Variants in CAMTA1 observed in about 807,000 individuals in gnomAD.
CAMTA1 encodes calmodulin-binding transcription activator 1.
Under a neutral mutation model 170.9 loss-of-function variants are expected in CAMTA1, and 27 were observed. The observed-to-expected ratio is 0.16, with a 90% confidence interval of 0.12 to 0.22. The LOEUF is 0.22. CAMTA1 is among the 10% of genes least tolerant of loss of function. CAMTA1 has a pLI of 1.00. For synonymous variants in CAMTA1, 833 were observed against 891.5 expected, an observed-to-expected ratio of 0.93 and a Z score of 1.17; for missense variants, 1,619 against 2,217.2, an observed-to-expected ratio of 0.73 and a Z score of 5.42.
At chr1:7,744,285 C>G (rs545776231) in intron 16 of CAMTA1, among the ~76,000 whole-genome samples, 1 of 152,008 alleles carries the variant, frequency 6.6e-6, no homozygotes, top group Non-Finnish European at 1.5e-5. Context: ...GCAAGCACCA[C>G]CATACCTGGC....
chr1:6,908,293 C>G (rs976998499), intron 3 of CAMTA1, among the ~76,000 whole-genome samples: 1 of 152,226 alleles, frequency 6.6e-6, no homozygotes, highest in Admixed American at 6.5e-5. Flanking sequence ...CCTCTTGTGT[C>G]CAGCAGTGCC....
At position 7,674,231 on chromosome 1, in the gene CAMTA1, G is replaced by A. The variant is rs183465246; in HGVS notation, c.2779+3194G>A. Reference sequence around the variant, plus strand: ...GTCCTGCCCTGGCAGCTCCCACACCGTCACAGGTGGCAGGAGACACGCAGG... The same window carrying A: ...GTCCTGCCCTGGCAGCTCCCACACCATCACAGGTGGCAGGAGACACGCAGG... On this transcript the variant is annotated intron_variant, in intron 10 of 22. Coordinates refer to ENST00000303635, the MANE Select transcript of CAMTA1 (RefSeq NM_015215.4). This position sits in a 1 kb window ranked among gnomAD's most constrained non-coding sequence, Gnocchi z 4.1. Among the ~76,000 whole-genome samples the A allele has an allele frequency of 3.3e-3, 502 of 152,324 alleles. 2 individuals are homozygous for A. Among genetic ancestry groups the A allele is most frequent in the Non-Finnish European group, 4.1e-3 (278 of 68,036 alleles).
chr1:6,856,018 G>A (rs1662207689), intron 3 of CAMTA1, among the ~76,000 whole-genome samples: 1 of 152,164 alleles, frequency 6.6e-6, no homozygotes, highest in African/African-American at 2.4e-5. Context: ...CCACACAAAA[G>A]CTCTTCATGG....
intron 4 of CAMTA1, among the ~76,000 whole-genome samples, chr1:7,177,032 C>A (rs925769697): frequency 6.6e-6 from 1 of 152,036 alleles, no homozygotes; most frequent in Admixed American, 6.6e-5. Context: ...GGGCAATAGA[C>A]CATGCCCCCT....
chr1:7,658,877 C>A (rs2095929488), intron 7 of CAMTA1, among the ~76,000 whole-genome samples: 1 of 152,188 alleles, frequency 6.6e-6, no homozygotes, highest in African/African-American at 2.4e-5. Context: ...TCCAGGGAGC[C>A]CAAGATGAAA....
chr1:7,136,120 A>G (rs992323780), intron 4 of CAMTA1, among the ~76,000 whole-genome samples: 4 of 151,816 alleles, frequency 2.6e-5, no homozygotes, highest in Non-Finnish European at 4.4e-5. Context: ...TCCACACACT[A>G]CTCTGTCCAT....
intron 5 of CAMTA1, among the ~76,000 whole-genome samples, chr1:7,374,300 C>T (rs2086692043): frequency 6.6e-6 from 1 of 152,236 alleles, no homozygotes; most frequent in Non-Finnish European, 1.5e-5. Context: ...CTCTTGTTTT[C>T]TCCGTATTAG....
At chr1:7,431,564 C>T (rs1280919464) in intron 5 of CAMTA1, among the ~76,000 whole-genome samples, 2 of 152,004 alleles carry the variant, frequency 1.3e-5, no homozygotes, top group Non-Finnish European at 2.9e-5. Context: ...TCGAAGAAGG[C>T]AGCATTCCCA....
rs2095846438 is a variant in CAMTA1 at position 7,651,149 on chromosome 1, G to A, written c.665-10577G>A. Among the ~76,000 whole-genome samples the A allele has an allele frequency of 2.0e-5, 3 of 152,114 alleles. No homozygotes were observed. The South Asian group carries it at 6.2e-4, about 32-fold the overall frequency. ...CAAATGACCACAGCACCCTTTGTTG[G>A]CTCCCAAGGTGACCTGGCTTGACTA... is the stretch of plus-strand genomic sequence containing the variant. On this transcript the variant is annotated intron_variant, in intron 7 of 22. Transcript: ENST00000303635.
At chr1:7,730,351 C>G (rs2096722377) in intron 11 of CAMTA1, among the ~76,000 whole-genome samples, 1 of 152,186 alleles carries the variant, frequency 6.6e-6, no homozygotes, top group Non-Finnish European at 1.5e-5. Context: ...GTCTTCTGCT[C>G]CCTGAAAGCC....
intron 11 of CAMTA1, among the ~76,000 whole-genome samples, chr1:7,713,817 A>G (rs576433660): frequency 6.6e-6 from 1 of 152,316 alleles, no homozygotes; most frequent in African/African-American, 2.4e-5. Flanking sequence ...AGAGCCCCTG[A>G]ACAGAAAGCG....
chr1:6,870,608 A>G (rs747594855), intron 3 of CAMTA1, among the ~76,000 whole-genome samples: 6 of 152,228 alleles, frequency 3.9e-5, no homozygotes, highest in Non-Finnish European at 8.8e-5. Context: ...GTTAACTCAA[A>G]TGTTAAATTT....
chr1:7,655,569 CCCACCTACACACACAA>C lies in CAMTA1; in HGVS notation c.665-6156_665-6141del, dbSNP rs1196002945. ...ATGCACACCTATACACACAAACACA[CCCACCTACACACACAA>C]ACACCCCTATACACACACCTATACA... On this transcript the variant is annotated intron_variant, in intron 7 of 22. Transcript: ENST00000303635. Among the ~76,000 whole-genome samples the C allele has an allele frequency of 1.1e-3, 163 of 148,464 alleles. 1 individual carries two copies. Among genetic ancestry groups the C allele is most frequent in the African/African-American group, 3.8e-3 (152 of 40,410 alleles).
rs374183384 is a variant in CAMTA1, at chr1:7,286,988, G to A, written c.438+37362G>A. On this transcript the variant is annotated intron_variant, in intron 5 of 22. Coordinates refer to ENST00000303635, the MANE Select transcript of CAMTA1 (RefSeq NM_015215.4). This position sits in a 1 kb window ranked among gnomAD's most constrained non-coding sequence, Gnocchi z 4.2. ...CTCTATCACTGTAAGTGTCAAAATT[G>A]TGATGGTCACTCTGAGACTTACTCC... is the stretch of plus-strand genomic sequence containing the variant. Among the ~76,000 whole-genome samples, 7 of 152,292 alleles carry A rather than the reference G, an allele frequency of 4.6e-5. No individual in the cohort carries two copies. Among genetic ancestry groups the A allele is most frequent in the Admixed American group, 2.0e-4 (3 of 15,306 alleles).
chr1:7,654,209 T>A (rs753672324), intron 7 of CAMTA1, among the ~76,000 whole-genome samples: 43 of 151,616 alleles, frequency 2.8e-4, no homozygotes, highest in African/African-American at 1.0e-3. Context: ...GCTGAAACCC[T>A]GTCTCTACTA....
chr1:7,585,694 G>A lies in CAMTA1; in HGVS notation c.511-54706G>A, dbSNP rs2095303216. 6.6e-6 allele frequency among the ~76,000 whole-genome samples: 1 copy of A among 152,056 alleles called. No homozygotes were observed. On this transcript the variant is annotated intron_variant, in intron 6 of 22. Transcript: ENST00000303635. The surrounding 1 kb of genome is among the most constrained non-coding windows in gnomAD (Gnocchi z 4.8). ...GAGGACAAGAATAGGTAGCCTCAAG[G>A]GGCAGGAGGGGAATGGCCAGGATGC...
intron 5 of CAMTA1, among the ~76,000 whole-genome samples, chr1:7,351,798 A>T (rs1430024689): frequency 6.6e-6 from 1 of 152,224 alleles, no homozygotes; most frequent in East Asian, 1.9e-4. Flanking sequence ...GCGTTGCAGG[A>T]TAAGATATGA....
In CAMTA1 at chr1:7,592,995, C is replaced by G. The variant is rs2095366824; in HGVS notation, c.511-47405C>G. 6.6e-6 allele frequency among the ~76,000 whole-genome samples: 1 copy of G among 152,288 alleles called. No individual in the cohort carries two copies. Among genetic ancestry groups the G allele is most frequent in the South Asian group, 2.1e-4 (1 of 4,828 alleles). ...TAAGGAATGTGTCCAAGTCCCACAG[C>G]ATCTAGATGGTGGGATTGGGCTTCA... On this transcript the variant is annotated intron_variant, in intron 6 of 22. Transcript: ENST00000303635. This position sits in a 1 kb window ranked among gnomAD's most constrained non-coding sequence, Gnocchi z 4.6.
At chr1:7,188,554 A>G (rs1653911820) in intron 4 of CAMTA1, among the ~76,000 whole-genome samples, 1 of 152,212 alleles carries the variant, frequency 6.6e-6, no homozygotes, top group African/African-American at 2.4e-5. Flanking sequence ...ACAAGTACCA[A>G]TACATACAAG....
Sources: gnomAD v4.1 joint callset for allele counts (sites outside exome capture counted in the v4.1 genomes callset) on GRCh38, gnomAD v4.1.1 for gene constraint, Gnocchi (gnomAD v3.1) non-coding constraint, MANE v1.5 for transcripts, NCBI Gene and HGNC (gene_info 2026-07-23, HGNC 2026-07-21) for gene names.